Variants in ARL15 observed in about 807,000 individuals in gnomAD.
The protein encoded by ARL15 is ADP-ribosylation factor-like protein 15.
Under a neutral mutation model 25.2 loss-of-function variants are expected in ARL15, and 19 were observed. The observed-to-expected ratio is 0.75, with a 90% CI of 0.53 to 1.10. The LOEUF is 1.10. Ranked by LOEUF, ARL15 falls within the 50% of genes least tolerant of loss-of-function variation. The pLI, the probability that ARL15 is intolerant of heterozygous loss-of-function variation, is 0.00. For synonymous variants in ARL15, 94 were observed against 86.8 expected (o/e 1.08, Z -0.46); for missense variants, 220 against 246.0 (o/e 0.89, Z 0.71).
chr5:54,183,706 T>G (rs972832475), intron 1 of ARL15, among the ~76,000 whole-genome samples: 2 of 149,356 alleles, frequency 1.3e-5, no homozygotes, highest in Non-Finnish European at 3.0e-5. Flanking sequence ...ACCTCAGGGA[T>G]CTAGAACTAG....
chr5:54,214,671 G>A (rs3797246), intron 1 of ARL15, among the ~76,000 whole-genome samples: 11,520 of 152,156 alleles, frequency 0.076, 558 homozygotes, highest in Middle Eastern at 0.14. Context: ...TGTTTAACAC[G>A]AAACGTCCTG....
chr5:53,938,408 G>A (rs183424204), intron 4 of ARL15, among the ~76,000 whole-genome samples: 5 of 152,126 alleles, frequency 3.3e-5, no homozygotes, highest in East Asian at 1.9e-4. Flanking sequence ...AGGAATTAAC[G>A]AATCAAATCA....
intron 4 of ARL15, among the ~76,000 whole-genome samples, chr5:54,080,455 TA>T (rs1330109911): frequency 2.6e-5 from 4 of 152,236 alleles, no homozygotes; most frequent in Non-Finnish European, 5.9e-5. Flanking sequence ...ATTTTTTACA[TA>T]AGCATTTAGG....
rs933271990 is a variant in ARL15, at chr5:54,191,801, G to A, written c.49-19873C>T. ...GCTCCCTGCTTTCACTCAAACCTCC[G>A]TATAGTCTATTTACAGCACAGTAGC... On this transcript the variant is annotated intron_variant, in intron 1 of 4. Transcript: ENST00000504924. Among the ~76,000 whole-genome samples, 12 of 151,972 alleles carry A rather than the reference G, an allele frequency of 7.9e-5. 1 individual carries two copies. The highest frequency in any genetic ancestry group is 2.9e-4 in the African/African-American group (12 of 41,354).
chr5:54,040,413 ACAACC>A (rs1750302099), intron 4 of ARL15, among the ~76,000 whole-genome samples: 1 of 152,226 alleles, frequency 6.6e-6, no homozygotes, highest in Non-Finnish European at 1.5e-5. Context: ...TCTTGAAAAT[ACAACC>A]ATAATTTTCA....
chr5:53,894,539 G>A (rs1432324590), intron 4 of ARL15, among the ~76,000 whole-genome samples: 1 of 152,154 alleles, frequency 6.6e-6, no homozygotes, highest in Non-Finnish European at 1.5e-5. Context: ...TTAGGGGCTT[G>A]TTTTATTCTT....
intron 4 of ARL15, among the ~76,000 whole-genome samples, chr5:53,974,853 G>A (rs753424252): frequency 6.6e-6 from 1 of 152,152 alleles, no homozygotes; most frequent in Non-Finnish European, 1.5e-5. Context: ...CCAAGACCTA[G>A]GAGAGAAAAC....
intron 4 of ARL15, among the ~76,000 whole-genome samples, chr5:54,039,959 A>G (rs1750286226): frequency 6.6e-6 from 1 of 152,168 alleles, no homozygotes; most frequent in African/African-American, 2.4e-5. Context: ...TGTACGTAAA[A>G]TTATAAAATT....
intron 1 of ARL15, among the ~76,000 whole-genome samples, chr5:54,190,109 G>A (rs1755355003): frequency 6.6e-6 from 1 of 152,142 alleles, no homozygotes; most frequent in South Asian, 2.1e-4. Context: ...ACTACAGTGA[G>A]GGCTAGGTGT....
intron 4 of ARL15, among the ~76,000 whole-genome samples, chr5:53,930,898 G>A (rs1746177303): frequency 6.6e-6 from 1 of 152,156 alleles, no homozygotes; most frequent in Admixed American, 6.5e-5. Context: ...CAGATTCTTT[G>A]AGGAATTCTG....
At chr5:53,970,190 C>A (rs1324521836) in intron 4 of ARL15, among the ~76,000 whole-genome samples, 1 of 151,978 alleles carries the variant, frequency 6.6e-6, no homozygotes, top group Non-Finnish European at 1.5e-5. Flanking sequence ...TAAAAGATAG[C>A]CAATGAAAAC....
chr5:54,266,740 CAAG>C (rs1165642075), intron 1 of ARL15, among the ~76,000 whole-genome samples: 1 of 152,070 alleles, frequency 6.6e-6, no homozygotes, highest in Non-Finnish European at 1.5e-5. Flanking sequence ...GTGATAGTCT[CAAG>C]ACATCAGGAA....
At chr5:53,915,254 T>C (rs923299385) in intron 4 of ARL15, among the ~76,000 whole-genome samples, 1 of 152,196 alleles carries the variant, frequency 6.6e-6, no homozygotes, top group African/African-American at 2.4e-5. Context: ...GGCAGGATGA[T>C]CTATAGTTTT....
At chr5:53,984,251 G>C (rs1162181056) in intron 4 of ARL15, among the ~76,000 whole-genome samples, 1 of 151,982 alleles carries the variant, frequency 6.6e-6, no homozygotes, top group Non-Finnish European at 1.5e-5. Context: ...GCATTCCTCT[G>C]AACTCTCTCC....
intron 1 of ARL15, among the ~76,000 whole-genome samples, chr5:54,218,840 T>A (rs1756292501): frequency 6.6e-6 from 1 of 152,142 alleles, no homozygotes; most frequent in African/African-American, 2.4e-5. Flanking sequence ...ATATAAAGAC[T>A]CTTTAACCTA....
rs896883030 is a variant in ARL15 at position 54,084,536 on chromosome 5, C to G, written c.462+28666G>C. Among the ~76,000 whole-genome samples the G allele has an allele frequency of 7.2e-5, 11 of 152,212 alleles. No homozygotes were observed. In the East Asian group the frequency reaches 2.1e-3, roughly 29 times the overall value. Reference sequence around the variant, plus strand: ...CTCTGTCTACCCTTTCTCCTCAACGCTGCCCCTCGACATCTCCCTGGGAGA... The same window carrying G: ...CTCTGTCTACCCTTTCTCCTCAACGGTGCCCCTCGACATCTCCCTGGGAGA... On this transcript the variant is annotated intron_variant, in intron 4 of 4. Coordinates refer to ENST00000504924, the MANE Select transcript of ARL15 (RefSeq NM_019087.3).
At chr5:53,996,295 TG>T (rs1748667919) in intron 4 of ARL15, among the ~76,000 whole-genome samples, 1 of 152,146 alleles carries the variant, frequency 6.6e-6, no homozygotes, top group South Asian at 2.1e-4. Context: ...AGAACAGAGC[TG>T]ATGCATGTGT....
chr5:54,088,422 T>C (rs1429487754), intron 4 of ARL15, among the ~76,000 whole-genome samples: 1 of 152,154 alleles, frequency 6.6e-6, no homozygotes, highest in Non-Finnish European at 1.5e-5. Flanking sequence ...TATGTACACA[T>C]AGTACTTTAA....
At chr5:54,091,040 A>AG (rs1401213944) in intron 4 of ARL15, among the ~76,000 whole-genome samples, 1 of 152,216 alleles carries the variant, frequency 6.6e-6, no homozygotes, top group Non-Finnish European at 1.5e-5. Context: ...TTTAAGTACT[A>AG]GGTTGAAAAC....
Sources: allele counts gnomAD v4.1 joint callset (sites outside exome capture counted in the v4.1 genomes callset), GRCh38; gene constraint gnomAD v4.1.1; transcripts MANE v1.5; gene names NCBI Gene and HGNC (gene_info 2026-07-23, HGNC 2026-07-21).